The following SETD1B variants were observed in gnomAD, a reference collection of about 807,000 sequenced individuals.
SETD1B encodes the protein SET domain containing 1B, histone lysine methyltransferase.
In SETD1B, 7 loss-of-function variants were observed where a neutral mutation model predicts 148.0. That is an observed-to-expected ratio of 0.05 (90% CI 0.03 to 0.09). The LOEUF (loss-of-function observed/expected upper bound fraction) is 0.09. Ranked by LOEUF, SETD1B falls within the 10% of genes least tolerant of loss-of-function variation. The pLI is 1.00. For missense variants in SETD1B, 2,155 were observed against 2,729.9 expected (o/e 0.79, Z 4.69); for synonymous variants, 1,361 against 1,186.5 (o/e 1.15, Z -3.02).
intron 16 of SETD1B, among the ~76,000 whole-genome samples, chr12:121,828,607 C>G (rs560466771): frequency 6.6e-6 from 1 of 152,236 alleles, no homozygotes; most frequent in South Asian, 2.1e-4. Context: ...TGGTGCAGGC[C>G]TAGAGGGGAG....
chr12:121,799,469 G>A (rs1162537335), upstream of SETD1B: 1 of 152,266 alleles, frequency 6.6e-6, no homozygotes, highest in East Asian at 1.9e-4. Context: ...CCCCACGGGG[G>A]CGGCTGGAGG....
the SETD1B span, among the ~76,000 whole-genome samples, chr12:121,790,763 T>C: frequency 6.6e-6 from 1 of 152,116 alleles, no homozygotes; most frequent in Non-Finnish European, 1.5e-5. Flanking sequence ...AAGATAGATC[T>C]CCCCGCTGCA....
chr12:121,799,807 C>G (rs2137528268), upstream of SETD1B: 1 of 151,428 alleles, frequency 6.6e-6, no homozygotes, highest in South Asian at 2.1e-4. Flanking sequence ...CCAGAGCCCC[C>G]CAAATCTCCC....
At chr12:121,820,562 C>T (rs1250499899) in intron 11 of SETD1B, among the ~76,000 whole-genome samples, 1 of 152,084 alleles carries the variant, frequency 6.6e-6, no homozygotes, top group Admixed American at 6.5e-5. Flanking sequence ...GAGACATAGT[C>T]CCGCTCTGTC....
the SETD1B span, chr12:121,793,915 T>G: frequency 6.4e-6 from 2 of 312,680 alleles, no homozygotes; most frequent in Non-Finnish European, 1.2e-5. Context: ...CCTCCGCGCG[T>G]CACGTCGCGC....
At chr12:121,801,046 G>A (rs1875328009), upstream of SETD1B, 1 of 152,126 alleles carries the variant, frequency 6.6e-6, no homozygotes, top group Admixed American at 6.5e-5. Flanking sequence ...GAGCGAGCGC[G>A]GCCGGGAGGA....
chr12:121,801,813 A>C (rs1875379571), upstream of SETD1B: 1 of 152,180 alleles, frequency 6.6e-6, no homozygotes, highest in African/African-American at 2.4e-5. Flanking sequence ...ACTGCTCTGG[A>C]TATAGCAATG....
upstream of SETD1B, chr12:121,801,299 C>T (rs1875349411): frequency 1.3e-5 from 2 of 152,352 alleles, no homozygotes; most frequent in African/African-American, 4.8e-5. Context: ...CAGGTTCAGA[C>T]CTGGGAAGAG....
At chr12:121,792,295 G>A in the SETD1B span, among the ~76,000 whole-genome samples, 1 of 152,218 alleles carries the variant, frequency 6.6e-6, no homozygotes, top group African/African-American at 2.4e-5. Context: ...TCACAGAGGT[G>A]GGGTGAGGCC....
chr12:121,806,170 C>G, intron 4 of SETD1B, 65 bp downstream of exon 4: 1 of 1,508,054 alleles, frequency 6.6e-7, no homozygotes, highest in South Asian at 1.3e-5. Flanking sequence ...CCCCACCCTT[C>G]CTGCAGCGTG....
At position 121,808,368 on chromosome 12, in the gene SETD1B, C is replaced by A. The variant is rs576937726; in HGVS notation, c.657+48C>A. 2 of 1,268,140 alleles carry A rather than the reference C, an allele frequency of 1.6e-6. No homozygotes were observed. The highest frequency in any genetic ancestry group is 2.2e-6 in the Non-Finnish European group (2 of 902,490). The allele number at this position is 1,268,140 out of a possible 1,614,324, so 78.6% of individuals were successfully genotyped here. On this transcript the variant is annotated intron_variant, in intron 5 of 16. Transcript: ENST00000604567. This position sits in a 1 kb window ranked among gnomAD's most constrained non-coding sequence, Gnocchi z 5.3. Reference sequence around the variant, plus strand: ...GCCCCATCGCCAGCTCTTTGATGTGCCCCCCACCTCTGGAAAGCCTCACCA... The same window carrying A: ...GCCCCATCGCCAGCTCTTTGATGTGACCCCCACCTCTGGAAAGCCTCACCA...
chr12:121,827,470 G>A (rs1386754977), intron 13 of SETD1B, 49 bp from the exon 14 acceptor site: 9 of 1,486,250 alleles, frequency 6.1e-6, no homozygotes, highest in African/African-American at 1.4e-5. Flanking sequence ...GGGTGGGACC[G>A]CCGAGGACAC....
At position 121,823,369 on chromosome 12, in the gene SETD1B, C is replaced by G. The variant is rs938427266; in HGVS notation, c.4790C>G (p.Pro1597Arg). 3.3e-6 allele frequency: 5 copies of G among 1,533,238 alleles called. No individual in the cohort carries two copies. Among genetic ancestry groups the G allele is most frequent in the Non-Finnish European group, 4.4e-6 (5 of 1,138,334 alleles). 95.0% of individuals were successfully genotyped at this position (1,533,238 alleles called of 1,614,324 possible). Residue 1597 changes from proline to arginine, a missense_variant, in exon 12 of 17, where the codon CCA (proline) becomes CGA (arginine). By Grantham distance (103) the Pro-to-Arg change is moderately radical (BLOSUM62 -2). Transcript: ENST00000604567. ...CAGCCACCCCCACCCCCACCTCCCC[C>G]ACCTGTAGAGCCCACCAAGCTGCCC... Reference protein sequence around the residue: ...PPQPPPPPPPPPVEPTKLPFK... With the variant: ...PPQPPPPPPPRPVEPTKLPFK...
intron 6 of SETD1B, 140 bp from the exon 7 acceptor site, chr12:121,813,966 C>T (rs1876158896): frequency 7.8e-6 from 5 of 641,768 alleles, no homozygotes; most frequent in African/African-American, 7.6e-5. Context: ...AATGAAGACG[C>T]TGAGGCTTGG....
chr12:121,813,962 G>A (rs1381205583), intron 6 of SETD1B, 144 bp from the exon 7 acceptor site: 4 of 618,698 alleles, frequency 6.5e-6, no homozygotes, highest in Non-Finnish European at 1.1e-5. Flanking sequence ...TGCAAATGAA[G>A]ACGCTGAGGC....
Position 121,808,124 on chromosome 12 carries a change from AG to A in SETD1B, c.545-81del. On this transcript the variant is annotated intron_variant, in intron 4 of 16. Transcript: ENST00000604567. This position sits in a 1 kb window ranked among gnomAD's most constrained non-coding sequence, Gnocchi z 5.3. ...GGGTCTCGGGCACAAGGGACCCACC[AG>A]GGTGCCACACAGGTTGGAATCCTTG... 1 of 1,080,590 alleles carries A rather than the reference AG, an allele frequency of 9.3e-7. No individual in the cohort carries two copies. The highest frequency in any genetic ancestry group is 1.4e-6 in the Non-Finnish European group (1 of 736,928). 66.9% of individuals were successfully genotyped at this position (1,080,590 alleles called of 1,614,324 possible).
the SETD1B span, chr12:121,793,531 G>A: frequency 6.5e-7 from 1 of 1,544,396 alleles, no homozygotes; most frequent in Non-Finnish European, 8.7e-7. Flanking sequence ...ACCATGAGCA[G>A]CGAGGTCTTG....
In SETD1B at chr12:121,832,326, G is replaced by A. The variant is rs1877133549; in HGVS notation, c.*2087G>A. 1 of 153,716 alleles carries A rather than the reference G, an allele frequency of 6.5e-6. No homozygotes were observed. Among genetic ancestry groups the A allele is most frequent in the African/African-American group, 2.4e-5 (1 of 41,430 alleles). 9.5% of individuals were successfully genotyped at this position (153,716 alleles called of 1,614,324 possible). ...TCCCCAGGAGCCCCAGCCCCAGAGT[G>A]GTTTGCAATAATCAAGATATGTGTC... On this transcript the variant is annotated 3_prime_UTR_variant, in exon 17 of 17. Coordinates refer to ENST00000604567, the MANE Select transcript of SETD1B (RefSeq NM_001353345.2).
upstream of SETD1B, chr12:121,800,095 G>T (rs934998131): frequency 6.6e-6 from 1 of 152,082 alleles, no homozygotes; most frequent in African/African-American, 2.4e-5. Flanking sequence ...CGGGCGGCCG[G>T]GGGTGGCTGA....
Sources: allele counts gnomAD v4.1 joint callset (sites outside exome capture counted in the v4.1 genomes callset), GRCh38; gene constraint gnomAD v4.1.1; non-coding constraint Gnocchi (gnomAD v3.1); transcripts MANE v1.5; gene names NCBI Gene and HGNC (gene_info 2026-07-23, HGNC 2026-07-21).